The following ADAMTS12 variants were observed in gnomAD, a reference collection of about 807,000 sequenced individuals.
ADAMTS12 encodes A disintegrin and metalloproteinase with thrombospondin motifs 12.
In ADAMTS12, 118 loss-of-function variants were observed where a neutral mutation model predicts 167.8. The observed-to-expected ratio is 0.70, with a 90% CI of 0.61 to 0.82. The LOEUF (loss-of-function observed/expected upper bound fraction) is 0.82, where lower values mean the gene tolerates loss of function less well. Among genes scored for constraint, ADAMTS12 ranks in the 40% least tolerant of loss-of-function variants. ADAMTS12 has a pLI of 0.00. For synonymous variants in ADAMTS12, 704 were observed against 716.9 expected (o/e 0.98, Z 0.29); for missense variants, 1,916 against 1,998.8 (o/e 0.96, Z 0.79).
intron 20 of ADAMTS12, among the ~76,000 whole-genome samples, chr5:33,557,325 C>T (rs73078366): frequency 0.058 from 8,897 of 152,166 alleles, 891 homozygotes; most frequent in African/African-American, 0.21. Context: ...ATGATCAGTT[C>T]GGCAGAATCT....
At chr5:33,833,453 C>G (rs1561297181) in intron 2 of ADAMTS12, among the ~76,000 whole-genome samples, 1 of 151,716 alleles carries the variant, frequency 6.6e-6, no homozygotes, top group South Asian at 2.1e-4. Context: ...CTTTTCTTTT[C>G]AGAGACAAAG....
chr5:33,804,773 A>G (rs1306788094), intron 2 of ADAMTS12, among the ~76,000 whole-genome samples: 1 of 152,172 alleles, frequency 6.6e-6, no homozygotes, highest in Non-Finnish European at 1.5e-5. Context: ...AGAAATTTCA[A>G]ATTACATATA....
chr5:33,561,246 G>A (rs1261938983), intron 19 of ADAMTS12, 67 bp from the exon 20 acceptor site: 2 of 1,568,080 alleles, frequency 1.3e-6, no homozygotes, highest in East Asian at 4.5e-5. Context: ...CCCATCACTG[G>A]GATCCTGGAG....
At chr5:33,535,365 T>C (rs951661690) in intron 22 of ADAMTS12, among the ~76,000 whole-genome samples, 2 of 152,136 alleles carry the variant, frequency 1.3e-5, no homozygotes, top group Non-Finnish European at 2.9e-5. Context: ...CTAGGGAAGG[T>C]CCCTGCATCA....
intron 2 of ADAMTS12, among the ~76,000 whole-genome samples, chr5:33,797,395 G>A (rs549376480): frequency 1.1e-4 from 15 of 139,944 alleles, no homozygotes; most frequent in Admixed American, 5.6e-4. Flanking sequence ...AAGAAGTTGT[G>A]AACAGAGTGT....
chr5:33,771,807 T>C (rs1366904211), intron 2 of ADAMTS12, among the ~76,000 whole-genome samples: 4 of 151,878 alleles, frequency 2.6e-5, no homozygotes, highest in Non-Finnish European at 5.9e-5. Context: ...ATGTCCTTTG[T>C]GGTCCCCTCA....
At chr5:33,855,793 A>G (rs1472222672) in intron 2 of ADAMTS12, among the ~76,000 whole-genome samples, 1 of 152,176 alleles carries the variant, frequency 6.6e-6, no homozygotes, top group Non-Finnish European at 1.5e-5. Flanking sequence ...GCATGATCAC[A>G]GCTCATTGCA....
chr5:33,779,529 T>A (rs1746045979), intron 2 of ADAMTS12, among the ~76,000 whole-genome samples: 1 of 152,144 alleles, frequency 6.6e-6, no homozygotes, highest in African/African-American at 2.4e-5. Context: ...CTATGCTCAT[T>A]GCAGCATTAT....
chr5:33,699,088 C>G (rs137980734), intron 3 of ADAMTS12, among the ~76,000 whole-genome samples: 1 of 151,970 alleles, frequency 6.6e-6, no homozygotes, highest in Non-Finnish European at 1.5e-5. Context: ...ATCCAGGAGG[C>G]GGAGGTTGCA....
At chr5:33,649,234 A>T (rs1579798468) in intron 8 of ADAMTS12, among the ~76,000 whole-genome samples, 1 of 152,180 alleles carries the variant, frequency 6.6e-6, no homozygotes, top group Non-Finnish European at 1.5e-5. Context: ...GGTTTGAATG[A>T]CCACTCTTAT....
At chr5:33,573,809 A>C (rs1045190569) in intron 19 of ADAMTS12, among the ~76,000 whole-genome samples, 1 of 152,258 alleles carries the variant, frequency 6.6e-6, no homozygotes, top group Non-Finnish European at 1.5e-5. Context: ...GTGAACAGGC[A>C]ACCTACAAAA....
intron 3 of ADAMTS12, among the ~76,000 whole-genome samples, chr5:33,717,640 C>T (rs531660399): frequency 4.6e-5 from 7 of 152,222 alleles, no homozygotes; most frequent in African/African-American, 1.2e-4. Flanking sequence ...AGTAAAAGGC[C>T]TTGATCACTG....
At chr5:33,785,049 C>T (rs1746278311) in intron 2 of ADAMTS12, among the ~76,000 whole-genome samples, 1 of 151,778 alleles carries the variant, frequency 6.6e-6, no homozygotes, top group Non-Finnish European at 1.5e-5. Flanking sequence ...ACAAAGTTGG[C>T]CCAGGCAATT....
At chr5:33,768,475 G>A (rs1745625517) in intron 2 of ADAMTS12, among the ~76,000 whole-genome samples, 1 of 152,074 alleles carries the variant, frequency 6.6e-6, no homozygotes, top group Admixed American at 6.5e-5. Flanking sequence ...GATTTGCAAG[G>A]ATATTAGTTT....
chr5:33,884,269 G>C (rs1021731754), intron 1 of ADAMTS12, among the ~76,000 whole-genome samples: 1 of 152,016 alleles, frequency 6.6e-6, no homozygotes, highest in Non-Finnish European at 1.5e-5. Context: ...CCCCTGCAGG[G>C]CATCCTCTTT....
In ADAMTS12 at chr5:33,857,911, G is replaced by A. The variant is rs549427670; in HGVS notation, c.489+23208C>T. Reference sequence around the variant, plus strand: ...ATGAATAGACAAATTCACAATTATGGTTGGAGACTTCAATACTTCTATCTC... The same window carrying A: ...ATGAATAGACAAATTCACAATTATGATTGGAGACTTCAATACTTCTATCTC... On this transcript the variant is annotated intron_variant, in intron 2 of 23. Transcript: ENST00000504830. 4.6e-5 allele frequency among the ~76,000 whole-genome samples: 7 copies of A among 152,332 alleles called. No individual in the cohort carries two copies. The South Asian group carries it at 1.4e-3, about 32-fold the overall frequency.
rs145106319 is a variant in ADAMTS12 at position 33,839,479 on chromosome 5, G to A, written c.489+41640C>T. On this transcript the variant is annotated intron_variant, in intron 2 of 23. Transcript: ENST00000504830. ...TCTGTGCATTACTAAGTCACACTGAGGCACATGCTTTTCCTTCTTTACAGG... is the reference window on the plus strand; with the variant it reads ...TCTGTGCATTACTAAGTCACACTGAAGCACATGCTTTTCCTTCTTTACAGG... Among the ~76,000 whole-genome samples, 482 of 152,230 alleles carry A rather than the reference G, an allele frequency of 3.2e-3. 4 individuals carry two copies. Among genetic ancestry groups the A allele is most frequent in the Non-Finnish European group, 5.6e-3 (382 of 68,006 alleles).
At chr5:33,745,194 G>A (rs1405868756) in intron 3 of ADAMTS12, among the ~76,000 whole-genome samples, 1 of 152,100 alleles carries the variant, frequency 6.6e-6, no homozygotes, top group Non-Finnish European at 1.5e-5. Flanking sequence ...GGGGTGGAAA[G>A]CTCAGAGGCT....
chr5:33,702,620 C>G lies in ADAMTS12; in HGVS notation c.635-18565G>C, dbSNP rs149425245. On this transcript the variant is annotated intron_variant, in intron 3 of 23. Coordinates refer to ENST00000504830, the MANE Select transcript of ADAMTS12 (RefSeq NM_030955.4). ...AGTGCCCCATGAGTGGCAAATGGCA[C>G]TATATCTATTTTATCACCTCAGTCA... Among the ~76,000 whole-genome samples the G allele has an allele frequency of 2.2e-3, 328 of 152,306 alleles. 4 individuals are homozygous for G. Among genetic ancestry groups the G allele is most frequent in the Non-Finnish European group, 6.2e-4 (42 of 68,036 alleles).
Sources: gnomAD v4.1 joint callset for allele counts (sites outside exome capture counted in the v4.1 genomes callset) on GRCh38, gnomAD v4.1.1 for gene constraint, MANE v1.5 for transcripts, NCBI Gene and HGNC (gene_info 2026-07-23, HGNC 2026-07-21) for gene names.